Variants in RNH1 observed in about 807,000 individuals in gnomAD.
RNH1 encodes the protein ribonuclease inhibitor.
A neutral mutation model predicts 46.1 loss-of-function variants in RNH1; 38 were observed. The observed-to-expected ratio is 0.82, with a 90% CI of 0.64 to 1.08. The LOEUF (loss-of-function observed/expected upper bound fraction) is 1.08, where lower values mean the gene tolerates loss of function less well. Among genes scored for constraint, RNH1 ranks in the 50% least tolerant of loss-of-function variants. The probability of loss-of-function intolerance (pLI) is 0.00; values close to 1 mark genes in which losing one functional copy is unlikely to be tolerated. For synonymous variants in RNH1, 319 were observed against 279.1 expected (o/e 1.14, Z -1.43); for missense variants, 577 against 590.7 (o/e 0.98, Z 0.24).
At chr11:499,781 G>C (rs768036892) in intron 5 of RNH1, 48 bp downstream of exon 5, 1 of 1,579,326 alleles carries the variant, frequency 6.3e-7, no homozygotes, top group Non-Finnish European at 8.6e-7. Flanking sequence ...GGCTGGCTGG[G>C]GGACAGGCAG....
chr11:500,370 G>A, intron 4 of RNH1, 114 bp downstream of exon 4: 1 of 1,231,928 alleles, frequency 8.1e-7, no homozygotes, highest in Middle Eastern at 2.8e-4. Flanking sequence ...AATGTCTGCT[G>A]CCACTGCCTG....
At chr11:500,389 C>T (rs1849634234) in intron 4 of RNH1, 95 bp downstream of exon 4, 4 of 1,410,670 alleles carry the variant, frequency 2.8e-6, no homozygotes, top group Admixed American at 2.0e-5. Context: ...TGTCCACCTG[C>T]AGCTGCCCAC....
intron 1 of RNH1, chr11:505,702 G>A (rs1850205844): frequency 6.6e-6 from 1 of 152,166 alleles, no homozygotes; most frequent in South Asian, 2.1e-4. Context: ...GGGACTACAA[G>A]CGTTCACTAC....
At position 499,940 on chromosome 11, in the gene RNH1, G is replaced by C. The variant is rs1447751508; in HGVS notation, c.332C>G (p.Thr111Ser). Residue 111 changes from threonine to serine, a missense_variant, in exon 5 of 11, where the codon ACC becomes AGC. By Grantham distance (58) the Thr-to-Ser change is moderately conservative. Transcript: ENST00000354420. ...GTGCAGCTCCTGCAGGGTGGGCAGGGTGCGTAGTGTGCTGGACAGGACCCC... is the reference window on the plus strand; with the variant it reads ...GTGCAGCTCCTGCAGGGTGGGCAGGCTGCGTAGTGTGCTGGACAGGACCCC... ...GCGVLSSTLR[T>S]LPTLQELHLS... 1.2e-6 allele frequency: 2 copies of C among 1,610,766 alleles called. No individual in the cohort carries two copies. Among genetic ancestry groups the C allele is most frequent in the Non-Finnish European group, 1.7e-6 (2 of 1,179,124 alleles).
At position 499,021 on chromosome 11, in the gene RNH1, G is replaced by A. The variant is rs767577716; in HGVS notation, c.608C>T (p.Ala203Val). Reference sequence around the variant, plus strand: ...CCCAAGGCCCAGTGCCTACTTGAGCGCCTCCAGCTGGCAGGGGGAGTCCTT... The same window carrying A: ...CCCAAGGCCCAGTGCCTACTTGAGCACCTCCAGCTGGCAGGGGGAGTCCTT... The part of the protein sequence containing the change: ...GLKDSPCQLE[A>V]LKLESCGVTS... The change falls in exon 6 of 11, where the codon GCG becomes GTG. Residue 203 changes from alanine (A) to valine (V), a missense_variant. Coordinates refer to ENST00000354420, the MANE Select transcript of RNH1 (RefSeq NM_203387.3). The A allele has an allele frequency of 1.9e-5, 31 of 1,612,794 alleles. No individual in the cohort carries two copies. The highest frequency in any genetic ancestry group is 1.6e-4 in the East Asian group (7 of 44,868).
Position 498,494 on chromosome 11 carries a change from T to A in RNH1, c.919A>T (p.Thr307Ser). 6.2e-7 allele frequency: 1 copy of A among 1,612,844 alleles called. No individual in the cohort carries two copies. Among genetic ancestry groups the A allele is most frequent in the Non-Finnish European group, 8.5e-7 (1 of 1,179,892 alleles). The change falls in exon 8 of 11, where the codon ACC becomes TCC. Residue 307 changes from threonine (T) to serine (S), a missense_variant. Physicochemically the swap from Thr to Ser is moderately conservative, Grantham distance 58. Coordinates refer to ENST00000354420, the MANE Select transcript of RNH1 (RefSeq NM_203387.3). The stretch of plus-strand genomic sequence containing the variant: ...AGCTGGCAGCCAGGTTCCAGCAGGG[T>A]CTCACACAGCAGTCGGGCACCCTCA... Reference protein sequence around the residue: ...GDEGARLLCETLLEPGCQLES... With the variant: ...GDEGARLLCESLLEPGCQLES...
In RNH1 at chr11:499,920, G is replaced by A. The variant is rs1431966190; in HGVS notation, c.352C>T (p.Leu118=). The change falls in exon 5 of 11, where the codon CTG becomes TTG. Residue 118 remains leucine (L), a synonymous_variant. Coordinates refer to ENST00000354420, the MANE Select transcript of RNH1 (RefSeq NM_203387.3). ...CCCAAGAGGTTGTCGCTGAGGTGCA[G>A]CTCCTGCAGGGTGGGCAGGGTGCGT... ...TLRTLPTLQE[L]HLSDNLLGDA... 2.5e-6 allele frequency: 4 copies of A among 1,612,862 alleles called. No individual in the cohort carries two copies. The highest frequency in any genetic ancestry group is 3.4e-6 in the Non-Finnish European group (4 of 1,179,840).
At position 501,716 on chromosome 11, in the gene RNH1, A is replaced by G. The variant is rs1849766176; in HGVS notation, c.101+346T>C. 3.7e-6 allele frequency: 1 copy of G among 272,762 alleles called. No individual in the cohort carries two copies. Among genetic ancestry groups the G allele is most frequent in the Admixed American group, 4.8e-5 (1 of 20,784 alleles). 16.9% of individuals were successfully genotyped at this position (272,762 alleles called of 1,614,324 possible). On this transcript the variant is annotated intron_variant, in intron 3 of 10. Coordinates refer to ENST00000354420, the MANE Select transcript of RNH1 (RefSeq NM_203387.3). The surrounding 1 kb of genome is among the most constrained non-coding windows in gnomAD (Gnocchi z 4.1). The stretch of plus-strand genomic sequence containing the variant: ...AGCCCCCAGCTTGGCAGGGACAAGC[A>G]GCGCCCCATGGAGGCTCACGGAGGG...
intron 1 of RNH1, chr11:505,871 TAAC>T (rs1470583673): frequency 6.8e-6 from 1 of 146,756 alleles, no homozygotes; most frequent in Non-Finnish European, 1.5e-5. Context: ...CAGCCTAATG[TAAC>T]TTTTTTTTTT....
intron 9 of RNH1, among the ~76,000 whole-genome samples, chr11:497,474 C>G: frequency 6.6e-6 from 1 of 150,820 alleles, no homozygotes; most frequent in East Asian, 2.0e-4. Context: ...CTCCCTCTCG[C>G]CCATGTGCTC....
At chr11:498,968 AC>A (rs760151064) in intron 6 of RNH1, 35 bp from the exon 7 acceptor site, 34 of 1,608,540 alleles carry the variant, frequency 2.1e-5, no homozygotes, top group Non-Finnish European at 2.5e-5. Flanking sequence ...GCAGCACGGG[AC>A]CCCCCCTAGC....
rs116815188 is a variant in RNH1, at chr11:500,817, A to T, written c.102-163T>A. 2,805 of 881,094 alleles carry T rather than the reference A, an allele frequency of 3.2e-3. 72 individuals carry two copies. In the African/African-American group the frequency reaches 0.041, roughly 13 times the overall value. The allele number at this position is 881,094 out of a possible 1,614,324, so 54.6% of individuals were successfully genotyped here. A position where few individuals can be genotyped will look rare whatever the true frequency, so the allele number is the denominator to read the frequency against. The stretch of plus-strand genomic sequence containing the variant: ...TGAAACAAAAAGGAGGAACTGTTCC[A>T]TGAAAGTTTTGTTTAAGATGCTCGC... On this transcript the variant is annotated intron_variant, in intron 3 of 10. Transcript: ENST00000354420.
At chr11:500,037 C>T in intron 4 of RNH1, 38 bp from the exon 5 acceptor site, 1 of 1,501,520 alleles carries the variant, frequency 6.7e-7, no homozygotes. Flanking sequence ...CTCCCCTGAG[C>T]CAAGCTGCCA....
At chr11:504,037 G>A (rs987615979) in intron 2 of RNH1, among the ~76,000 whole-genome samples, 26 of 152,226 alleles carry the variant, frequency 1.7e-4, no homozygotes, top group African/African-American at 6.0e-4. Flanking sequence ...GTTGAGGCAG[G>A]GATCTGAACA....
rs1184103601 is a variant in RNH1, at chr11:502,304, G to A, written c.-87-55C>T. ...TCAGGAGGAGCCGCAGCCTCTCCCT[G>A]GGCAAACACTTCCTCTTCAGCACCC... On this transcript the variant is annotated intron_variant, in intron 2 of 10. Transcript: ENST00000354420. The surrounding 1 kb of genome is among the most constrained non-coding windows in gnomAD (Gnocchi z 5.8). 23 of 677,184 alleles carry A rather than the reference G, an allele frequency of 3.4e-5. No homozygotes were observed. In the East Asian group the frequency reaches 4.6e-4, roughly 14 times the overall value. The allele number at this position is 677,184 out of a possible 1,614,324, so 41.9% of individuals were successfully genotyped here.
In RNH1 at chr11:494,629, C is replaced by G; in HGVS notation, c.*62G>C. 7.0e-7 allele frequency: 1 copy of G among 1,435,680 alleles called. No homozygotes were observed. Among genetic ancestry groups the G allele is most frequent in the Non-Finnish European group, 9.8e-7 (1 of 1,022,428 alleles). 88.9% of individuals were successfully genotyped at this position (1,435,680 alleles called of 1,614,324 possible). A position where few individuals can be genotyped will look rare whatever the true frequency, so the allele number is the denominator to read the frequency against. ...ATGCAGGGTGAGAGCATGGCAGGGG[C>G]TGGTGGGCCCCAGGGTTGCCTCGAG... On this transcript the variant is annotated 3_prime_UTR_variant, in exon 11 of 11. Coordinates refer to ENST00000354420, the MANE Select transcript of RNH1 (RefSeq NM_203387.3).
In RNH1 at chr11:499,390, C is replaced by T. The variant is rs537939234; in HGVS notation, c.444-205G>A. 7 of 666,274 alleles carry T rather than the reference C, an allele frequency of 1.1e-5. 1 individual carries two copies. The highest frequency in any genetic ancestry group is 7.1e-5 in the African/African-American group (4 of 56,092). 41.3% of individuals were successfully genotyped at this position (666,274 alleles called of 1,614,324 possible). ...CATTCCTTCTGGAAACCCCTCACCC[C>T]CTCCCGGACCTCAGACTTTGGGGCC... On this transcript the variant is annotated intron_variant, in intron 5 of 10. Coordinates refer to ENST00000354420, the MANE Select transcript of RNH1 (RefSeq NM_203387.3).
Position 502,522 on chromosome 11 carries a change from G to T in RNH1, c.-87-273C>A. 2.8e-6 allele frequency: 1 copy of T among 353,324 alleles called. No individual in the cohort carries two copies. Among genetic ancestry groups the T allele is most frequent in the Admixed American group, 4.0e-5 (1 of 25,296 alleles). The allele number at this position is 353,324 out of a possible 1,614,324, so 21.9% of individuals were successfully genotyped here. On this transcript the variant is annotated intron_variant, in intron 2 of 10. Coordinates refer to ENST00000354420, the MANE Select transcript of RNH1 (RefSeq NM_203387.3). The surrounding 1 kb of genome is among the most constrained non-coding windows in gnomAD (Gnocchi z 5.8). ...AGAGGGCGGGACAGCAGCAGCCCGG[G>T]AAGCCCCTGCCTCTCATTTGCTTGG...
intron 4 of RNH1, 24 bp downstream of exon 4, chr11:500,460 A>G (rs768286227): frequency 1.9e-6 from 3 of 1,594,742 alleles, no homozygotes; most frequent in East Asian, 2.2e-5. Flanking sequence ...ACCAGGCCAG[A>G]GGCAGTGCCA....
Sources: gnomAD v4.1 joint callset for allele counts (sites outside exome capture counted in the v4.1 genomes callset) on GRCh38, gnomAD v4.1.1 for gene constraint, Gnocchi (gnomAD v3.1) non-coding constraint, MANE v1.5 for transcripts, NCBI Gene and HGNC (gene_info 2026-07-23, HGNC 2026-07-21) for gene names.